The following NSD2 variants were observed in gnomAD, a reference collection of about 807,000 sequenced individuals.
NSD2 encodes histone-lysine N-methyltransferase NSD2.
NSD2 carries 12 observed loss-of-function variants against 139.0 expected under a neutral mutation model. The observed-to-expected ratio is 0.09, with a 90% CI of 0.06 to 0.14. NSD2 has a LOEUF of 0.14. Among genes scored for constraint, NSD2 ranks in the 10% least tolerant of loss-of-function variants. The pLI is 1.00. For missense variants in NSD2, 1,155 were observed against 1,745.0 expected (o/e 0.66, Z 6.02); for synonymous variants, 669 against 648.7 (o/e 1.03, Z -0.48).
chr4:1,945,133 A>G, intron 9 of NSD2: 2 of 1,060,036 alleles, frequency 1.9e-6, no homozygotes, highest in Non-Finnish European at 2.3e-6. Flanking sequence ...CCGCAGCTCT[A>G]GGGAGATCTG....
At position 1,961,169 on chromosome 4, in the gene NSD2, T is replaced by A; in HGVS notation, c.3372+18T>A. On this transcript the variant is annotated intron_variant, in intron 18 of 21. Transcript: ENST00000508803. ...TAGACAAGGTAATGCGGAACTCCAC[T>A]GTGAGCTTCTGCAGTGTGCTGGACC... The A allele has an allele frequency of 6.3e-7, 1 of 1,580,750 alleles. No homozygotes were observed. Among genetic ancestry groups the A allele is most frequent in the Non-Finnish European group, 8.7e-7 (1 of 1,152,452 alleles).
chr4:1,950,330 T>C (rs1238782316), intron 9 of NSD2, among the ~76,000 whole-genome samples: 4 of 152,182 alleles, frequency 2.6e-5, no homozygotes, highest in African/African-American at 9.7e-5. Context: ...TTCCACTCGC[T>C]CAGGGATTCC....
intron 10 of NSD2, among the ~76,000 whole-genome samples, chr4:1,951,517 C>T (rs530231905): frequency 6.9e-5 from 9 of 130,034 alleles, no homozygotes; most frequent in African/African-American, 1.7e-4. Flanking sequence ...CACACACACA[C>T]ACACACAAAG....
At chr4:1,943,209 A>G (rs1052172478) in intron 9 of NSD2, 3 of 1,041,412 alleles carry the variant, frequency 2.9e-6, no homozygotes, top group African/African-American at 1.7e-5. Context: ...CCTTCAGCTC[A>G]TAAAAGCAGA....
intron 5 of NSD2, among the ~76,000 whole-genome samples, chr4:1,925,794 G>C (rs1383294321): frequency 2.0e-5 from 3 of 150,538 alleles, no homozygotes; most frequent in Non-Finnish European, 3.0e-5. Context: ...TTGTTTGTTT[G>C]TTTGTTTGTT....
intron 1 of NSD2, 67 bp from the exon 2 acceptor site, chr4:1,900,559 G>C: frequency 9.3e-7 from 1 of 1,078,426 alleles, no homozygotes; most frequent in South Asian, 1.8e-5. Context: ...AGAGGTCCTG[G>C]CATACCTATC....
intron 9 of NSD2, chr4:1,943,632 TGC>T: frequency 9.5e-7 from 1 of 1,048,084 alleles, no homozygotes; most frequent in Admixed American, 5.5e-5. Context: ...GCTCAAATGT[TGC>T]AGGATACATA....
chr4:1,964,670 C>T (rs550863381), intron 18 of NSD2, among the ~76,000 whole-genome samples: 1 of 152,252 alleles, frequency 6.6e-6, no homozygotes, highest in African/African-American at 2.4e-5. Context: ...TCGTTACAAG[C>T]CCCTCCCCCT....
At chr4:1,915,111 CTTTTTTTTTT>C (rs781255847) in intron 3 of NSD2, among the ~76,000 whole-genome samples, 7 of 115,564 alleles carry the variant, frequency 6.1e-5, no homozygotes, top group African/African-American at 1.4e-4. Flanking sequence ...CTTTTTTTCT[CTTTTTTTTTT>C]TTTTTTTTTT....
chr4:1,883,896 C>G lies in NSD2; in HGVS notation c.-30+12354C>G, dbSNP rs139492627. 6.6e-3 allele frequency among the ~76,000 whole-genome samples: 1,010 copies of G among 152,316 alleles called. 12 individuals are homozygous for G. The highest frequency in any genetic ancestry group is 0.023 in the African/African-American group (969 of 41,570). ...GCGTTGCTGCCTCTTGTTCTCTGTT[C>G]ATGGTTTTCTACACAGTAGCCTAGG... On this transcript the variant is annotated intron_variant, in intron 1 of 21. Transcript: ENST00000508803.
chr4:1,934,236 C>T (rs1038122672), intron 6 of NSD2, among the ~76,000 whole-genome samples: 2 of 151,806 alleles, frequency 1.3e-5, no homozygotes, highest in African/African-American at 4.8e-5. Context: ...CAGACATGTG[C>T]CACCATGCCT....
chr4:1,937,161 C>T (rs958241448), intron 7 of NSD2, among the ~76,000 whole-genome samples: 2 of 152,124 alleles, frequency 1.3e-5, no homozygotes, highest in Admixed American at 1.3e-4. Context: ...AAGTGATTCT[C>T]CTGCCTCAGA....
rs757974328 is a variant in NSD2 at position 1,973,722 on chromosome 4, G to A, written c.3373-1141G>A. Among the ~76,000 whole-genome samples, 3 of 152,250 alleles carry A rather than the reference G, an allele frequency of 2.0e-5. No individual in the cohort carries two copies. The highest frequency in any genetic ancestry group is 4.4e-5 in the Non-Finnish European group (3 of 68,044). ...GGCAGTTGTGTCAGAGGCCGCGTGT[G>A]AATAGTGACTCCGAAGCCTGCCGCT... is the stretch of plus-strand genomic sequence containing the variant. On this transcript the variant is annotated intron_variant, in intron 18 of 21. Transcript: ENST00000508803. The surrounding 1 kb of genome is among the most constrained non-coding windows in gnomAD (Gnocchi z 5.5).
chr4:1,977,953 C>A lies in NSD2; in HGVS notation c.3827-685C>A, dbSNP rs117660592. Reference sequence around the variant, plus strand: ...AGCAGCCTGGCCAACATGGTGAAACCTCATCTCTACTGAACATAGAAAAAT... The same window carrying A: ...AGCAGCCTGGCCAACATGGTGAAACATCATCTCTACTGAACATAGAAAAAT... On this transcript the variant is annotated intron_variant, in intron 21 of 21. Coordinates refer to ENST00000508803, the MANE Select transcript of NSD2 (RefSeq NM_001042424.3). Among the ~76,000 whole-genome samples the A allele has an allele frequency of 1.1e-3, 165 of 152,178 alleles. 1 individual carries two copies. In the East Asian group the frequency reaches 0.028, roughly 25 times the overall value.
At chr4:1,939,401 G>T in intron 8 of NSD2, 2 of 518,134 alleles carry the variant, frequency 3.9e-6, no homozygotes, top group Admixed American at 6.4e-5. Flanking sequence ...CGTGGAACCA[G>T]GTATGGATAG....
chr4:1,913,562 T>C (rs941741441), intron 3 of NSD2, among the ~76,000 whole-genome samples: 1 of 152,230 alleles, frequency 6.6e-6, no homozygotes, highest in Non-Finnish European at 1.5e-5. Flanking sequence ...CTTTGATCTC[T>C]CTGAGAAATG....
At chr4:1,933,878 C>T (rs1473685242) in intron 6 of NSD2, among the ~76,000 whole-genome samples, 2 of 152,106 alleles carry the variant, frequency 1.3e-5, no homozygotes, top group East Asian at 3.9e-4. Context: ...TGCCTTAGGT[C>T]TTGGATTAAC....
intron 2 of NSD2, among the ~76,000 whole-genome samples, chr4:1,902,334 C>G (rs1717296943): frequency 6.6e-6 from 1 of 152,082 alleles, no homozygotes. Context: ...AGGTGATCCT[C>G]CTACCTCACC....
chr4:1,977,968 C>G (rs1028954115), intron 21 of NSD2, among the ~76,000 whole-genome samples: 18 of 151,890 alleles, frequency 1.2e-4, no homozygotes, highest in Admixed American at 1.1e-3. Context: ...CTCTACTGAA[C>G]ATAGAAAAAT....
Sources: gnomAD v4.1 joint callset for allele counts (sites outside exome capture counted in the v4.1 genomes callset) on GRCh38, gnomAD v4.1.1 for gene constraint, Gnocchi (gnomAD v3.1) non-coding constraint, MANE v1.5 for transcripts, NCBI Gene and HGNC (gene_info 2026-07-23, HGNC 2026-07-21) for gene names.